Variants in STEAP2 observed in about 807,000 individuals in gnomAD.
STEAP2 encodes metalloreductase STEAP2.
Under a neutral mutation model 46.4 loss-of-function variants are expected in STEAP2, and 30 were observed. The observed-to-expected ratio is 0.65, with a 90% CI of 0.48 to 0.88. STEAP2 has a LOEUF of 0.88. STEAP2 is among the 40% of genes least tolerant of loss of function. The pLI is 0.00. For missense variants in STEAP2, 513 were observed against 579.3 expected (o/e 0.89, Z 1.18); for synonymous variants, 180 against 200.5 (o/e 0.90, Z 0.86).
chr7:90,229,990 CTTCAGTGAGCAATGCT>C lies in STEAP2; in HGVS notation c.1142_1157del (p.Ser381Ter), dbSNP rs749193576. On this transcript the variant is annotated frameshift_variant, in exon 5 of 6. Coordinates refer to ENST00000394621, the MANE Select transcript of STEAP2 (RefSeq NM_001244944.2). ...TCCCTCCTGGCAGTCACTTCTATCCCTTCAGTGAGCAATGCTTTAAACTGGAGAGAATTCAGTTTTA... is the reference window on the plus strand; with the variant it reads ...TCCCTCCTGGCAGTCACTTCTATCCCTTAAACTGGAGAGAATTCAGTTTTA... 5.0e-6 allele frequency: 8 copies of C among 1,613,462 alleles called. No homozygotes were observed. In the African/African-American group the frequency reaches 9.3e-5, roughly 19 times the overall value.
intron 2 of STEAP2, among the ~76,000 whole-genome samples, chr7:90,222,989 TA>T (rs1207723785): frequency 6.6e-6 from 1 of 152,214 alleles, no homozygotes; most frequent in African/African-American, 2.4e-5. Context: ...ATTTCGACAC[TA>T]ATTCATGGCA....
intron 2 of STEAP2, among the ~76,000 whole-genome samples, chr7:90,224,204 A>G (rs1795380748): frequency 6.6e-6 from 1 of 152,108 alleles, no homozygotes; most frequent in South Asian, 2.1e-4. Context: ...ATCCAGAGGC[A>G]AGGTTCAGAC....
chr7:90,234,294 G>A lies in STEAP2; in HGVS notation c.*1670G>A. 1.0e-6 allele frequency: 1 copy of A among 985,004 alleles called. No individual in the cohort carries two copies. Among genetic ancestry groups the A allele is most frequent in the Non-Finnish European group, 1.2e-6 (1 of 829,824 alleles). 61.0% of individuals were successfully genotyped at this position (985,004 alleles called of 1,614,324 possible). On this transcript the variant is annotated 3_prime_UTR_variant, in exon 6 of 6. Coordinates refer to ENST00000394621, the MANE Select transcript of STEAP2 (RefSeq NM_001244944.2). ...CCCTACATTCCCCCCACCCCAATTT[G>A]CTATTTCCTTATTAAAATAGAAAAT...
intron 4 of STEAP2, among the ~76,000 whole-genome samples, chr7:90,228,300 A>G (rs1429017519): frequency 1.3e-5 from 2 of 152,194 alleles, no homozygotes; most frequent in East Asian, 3.8e-4. Flanking sequence ...AAGGCATCAT[A>G]GTCCAAGTAT....
downstream of STEAP2, among the ~76,000 whole-genome samples, chr7:90,239,402 ACCCAGTCTGT>A (rs1229425654): frequency 6.6e-6 from 1 of 152,200 alleles, no homozygotes; most frequent in Non-Finnish European, 1.5e-5. Context: ...TGTTAAAGCC[ACCCAGTCTGT>A]GGTATTTGTT....
chr7:90,234,343 C>T lies in STEAP2; in HGVS notation c.*1719C>T, dbSNP rs1361833684. 3 of 984,938 alleles carry T rather than the reference C, an allele frequency of 3.0e-6. No individual in the cohort carries two copies. The highest frequency in any genetic ancestry group is 1.1e-4 in the East Asian group (1 of 8,810). The allele number at this position is 984,938 out of a possible 1,614,324, so 61.0% of individuals were successfully genotyped here. ...ATTATAGGCAAGATACAATTATATG[C>T]GTTCCTCTTCCTGAAATTATAACAT... On this transcript the variant is annotated 3_prime_UTR_variant, in exon 6 of 6. Transcript: ENST00000394621.
intron 3 of STEAP2, 68 bp from the exon 4 acceptor site, chr7:90,226,903 G>A (rs1234087796): frequency 6.8e-7 from 1 of 1,465,476 alleles, no homozygotes; most frequent in Non-Finnish European, 9.2e-7. Context: ...TCCGTAAGTG[G>A]AGCATGCGAT....
At chr7:90,215,313 A>G (rs939410305) in intron 1 of STEAP2, 4 of 152,216 alleles carry the variant, frequency 2.6e-5, no homozygotes, top group African/African-American at 9.6e-5. Flanking sequence ...TAAATGCCCT[A>G]TTTATGTGTG....
chr7:90,234,459 C>T lies in STEAP2; in HGVS notation c.*1835C>T, dbSNP rs2116388591. 1.0e-6 allele frequency: 1 copy of T among 984,884 alleles called. No individual in the cohort carries two copies. The highest frequency in any genetic ancestry group is 1.2e-6 in the Non-Finnish European group (1 of 829,782). 61.0% of individuals were successfully genotyped at this position (984,884 alleles called of 1,614,324 possible). On this transcript the variant is annotated 3_prime_UTR_variant, in exon 6 of 6. Coordinates refer to ENST00000394621, the MANE Select transcript of STEAP2 (RefSeq NM_001244944.2). ...TAGAGGCTACCTTTCCCACCAGTGACTCTTTTTCTACAACTGCCTTGTCAG... is the reference window on the plus strand; with the variant it reads ...TAGAGGCTACCTTTCCCACCAGTGATTCTTTTTCTACAACTGCCTTGTCAG...
At position 90,232,671 on chromosome 7, in the gene STEAP2, T is replaced by A; in HGVS notation, c.*47T>A. 6.6e-7 allele frequency: 1 copy of A among 1,516,628 alleles called. No individual in the cohort carries two copies. The highest frequency in any genetic ancestry group is 8.8e-7 in the Non-Finnish European group (1 of 1,132,352). The allele number at this position is 1,516,628 out of a possible 1,614,324, so 93.9% of individuals were successfully genotyped here. On this transcript the variant is annotated 3_prime_UTR_variant, in exon 6 of 6. Coordinates refer to ENST00000394621, the MANE Select transcript of STEAP2 (RefSeq NM_001244944.2). Reference sequence around the variant, plus strand: ...GCCATATAAAGTTCTACTCATGCCATTATTTTTATGACTTCTACGTTCAGT... The same window carrying A: ...GCCATATAAAGTTCTACTCATGCCAATATTTTTATGACTTCTACGTTCAGT...
chr7:90,235,759 C>A lies in STEAP2; in HGVS notation c.*3135C>A. On this transcript the variant is annotated 3_prime_UTR_variant, in exon 6 of 6. Transcript: ENST00000394621. ...ATATTTAAATATGAATCTATTCATG[C>A]TAACATTATTTTTCAAAACATACAT... 1 of 792,902 alleles carries A rather than the reference C, an allele frequency of 1.3e-6. No individual in the cohort carries two copies. Among genetic ancestry groups the A allele is most frequent in the Non-Finnish European group, 1.5e-6 (1 of 654,530 alleles). 49.1% of individuals were successfully genotyped at this position (792,902 alleles called of 1,614,324 possible). A position where few individuals can be genotyped will look rare whatever the true frequency, so the allele number is the denominator to read the frequency against.
intron 3 of STEAP2, among the ~76,000 whole-genome samples, 178 bp downstream of exon 3, chr7:90,225,752 A>G (rs1584239454): frequency 6.6e-6 from 1 of 152,150 alleles, no homozygotes. Flanking sequence ...CCCATTCCCA[A>G]CATGATGTGG....
In STEAP2 at chr7:90,234,951, T is replaced by C. The variant is rs1364981285; in HGVS notation, c.*2327T>C. Reference sequence around the variant, plus strand: ...TTGTTAGTTCTTGGTAGGAATTCAGTTGGGCAATGATAACTTTTATGGGCA... The same window carrying C: ...TTGTTAGTTCTTGGTAGGAATTCAGCTGGGCAATGATAACTTTTATGGGCA... On this transcript the variant is annotated 3_prime_UTR_variant, in exon 6 of 6. Transcript: ENST00000394621. 1 of 982,470 alleles carries C rather than the reference T, an allele frequency of 1.0e-6. No homozygotes were observed. Among genetic ancestry groups the C allele is most frequent in the African/African-American group, 1.7e-5 (1 of 57,188 alleles). 60.9% of individuals were successfully genotyped at this position (982,470 alleles called of 1,614,324 possible). A position where few individuals can be genotyped will look rare whatever the true frequency, so the allele number is the denominator to read the frequency against.
chr7:90,229,946 A>G lies in STEAP2; in HGVS notation c.1095A>G (p.Ile365Met). 10 of 1,613,648 alleles carry G rather than the reference A, an allele frequency of 6.2e-6. No homozygotes were observed. The highest frequency in any genetic ancestry group is 8.5e-6 in the Non-Finnish European group (10 of 1,179,608). The change falls in exon 5 of 6, where the codon ATA becomes ATG. Residue 365 changes from isoleucine (I) to methionine (M), a missense_variant. Ile to Met is a conservative substitution (Grantham distance 10, BLOSUM62 1). Coordinates refer to ENST00000394621, the MANE Select transcript of STEAP2 (RefSeq NM_001244944.2). Reference sequence around the variant, plus strand: ...TTGAAATGTATATCTCCTTTGGCATAATGAGCCTTGGCTTACTTTCCCTCC... The same window carrying G: ...TTGAAATGTATATCTCCTTTGGCATGATGAGCCTTGGCTTACTTTCCCTCC... ...WRIEMYISFG[I>M]MSLGLLSLLA...
downstream of STEAP2, among the ~76,000 whole-genome samples, chr7:90,241,697 A>G (rs1796063263): frequency 6.6e-6 from 1 of 152,158 alleles, no homozygotes; most frequent in South Asian, 2.1e-4. Context: ...CTACTGCTCT[A>G]GACAGTATGC....
rs1036653641 is a variant in STEAP2 at position 90,233,460 on chromosome 7, T to G, written c.*836T>G. The G allele has an allele frequency of 1.0e-6, 1 of 985,294 alleles. No individual in the cohort carries two copies. The highest frequency in any genetic ancestry group is 1.2e-6 in the Non-Finnish European group (1 of 829,940). The allele number at this position is 985,294 out of a possible 1,614,324, so 61.0% of individuals were successfully genotyped here. Reference sequence around the variant, plus strand: ...CAAAAGTATCAAGTTTGCACACAAGTAATCTGCCAGCTGACCTTTGTCGCA... The same window carrying G: ...CAAAAGTATCAAGTTTGCACACAAGGAATCTGCCAGCTGACCTTTGTCGCA... On this transcript the variant is annotated 3_prime_UTR_variant, in exon 6 of 6. Transcript: ENST00000394621.
chr7:90,224,474 G>A (rs573619685), intron 2 of STEAP2, among the ~76,000 whole-genome samples: 2 of 152,294 alleles, frequency 1.3e-5, no homozygotes, highest in Non-Finnish European at 2.9e-5. Context: ...CACTGCCTAC[G>A]GGGTAGGCCT....
In STEAP2 at chr7:90,234,843, C is replaced by A; in HGVS notation, c.*2219C>A. The A allele has an allele frequency of 1.0e-6, 1 of 984,704 alleles. No individual in the cohort carries two copies. The highest frequency in any genetic ancestry group is 1.2e-6 in the Non-Finnish European group (1 of 829,338). The allele number at this position is 984,704 out of a possible 1,614,324, so 61.0% of individuals were successfully genotyped here. A position where few individuals can be genotyped will look rare whatever the true frequency, so the allele number is the denominator to read the frequency against. On this transcript the variant is annotated 3_prime_UTR_variant, in exon 6 of 6. Coordinates refer to ENST00000394621, the MANE Select transcript of STEAP2 (RefSeq NM_001244944.2). ...CTGGGATTACAGGTGTGAGCTACCGCGCCCGGCCTATTATCTTGTACTTTC... is the reference window on the plus strand; with the variant it reads ...CTGGGATTACAGGTGTGAGCTACCGAGCCCGGCCTATTATCTTGTACTTTC...
In STEAP2 at chr7:90,234,348, C is replaced by T; in HGVS notation, c.*1724C>T. 1 of 985,062 alleles carries T rather than the reference C, an allele frequency of 1.0e-6. No individual in the cohort carries two copies. Among genetic ancestry groups the T allele is most frequent in the Non-Finnish European group, 1.2e-6 (1 of 829,790 alleles). 61.0% of individuals were successfully genotyped at this position (985,062 alleles called of 1,614,324 possible). On this transcript the variant is annotated 3_prime_UTR_variant, in exon 6 of 6. Transcript: ENST00000394621. The stretch of plus-strand genomic sequence containing the variant: ...AGGCAAGATACAATTATATGCGTTC[C>T]TCTTCCTGAAATTATAACATTTCTA...
Sources: gnomAD v4.1 joint callset for allele counts (sites outside exome capture counted in the v4.1 genomes callset) on GRCh38, gnomAD v4.1.1 for gene constraint, MANE v1.5 for transcripts, NCBI Gene and HGNC (gene_info 2026-07-23, HGNC 2026-07-21) for gene names.